The following CEP152 variants were observed in gnomAD, a reference collection of about 807,000 sequenced individuals.
CEP152 encodes the protein centrosomal protein 152, also known as centrosomal protein of 152 kDa.
A neutral mutation model predicts 188.9 loss-of-function variants in CEP152; 132 were observed. The ratio of observed to expected loss-of-function variants is 0.70; its 90% confidence interval spans 0.61 to 0.81. CEP152 has a LOEUF of 0.81. Among genes scored for constraint, CEP152 ranks in the 30% least tolerant of loss-of-function variants. The pLI is 0.00. For missense variants in CEP152, 1,914 were observed against 1,969.8 expected, an observed-to-expected ratio of 0.97 and a Z score of 0.54; for synonymous variants, 649 against 666.6, an observed-to-expected ratio of 0.97 and a Z score of 0.41.
At chr15:48,759,189 G>A (rs1306125999) in intron 19 of CEP152, among the ~76,000 whole-genome samples, 1 of 151,824 alleles carries the variant, frequency 6.6e-6, no homozygotes. Flanking sequence ...CTTTATCTTT[G>A]CTATTGGATA....
chr15:48,734,124 T>C (rs992497800), downstream of CEP152, among the ~76,000 whole-genome samples: 1 of 151,920 alleles, frequency 6.6e-6, no homozygotes, highest in Admixed American at 6.6e-5. Flanking sequence ...TAAATATACA[T>C]TTCTTCTATT....
In CEP152 at chr15:48,767,144, A is replaced by G; in HGVS notation, c.2196T>C (p.Cys732=). The part of the protein sequence containing the change: ...LNKEVTAVQE[C]YLEVCREKDN... ...CCTTCTCTCTGCACACTTCTAGGTA[A>G]CATTCCTGCACAGCAGTCACCTCCT... is the stretch of plus-strand genomic sequence containing the variant. Residue 732 remains cysteine (C), a synonymous_variant, in exon 17 of 27, where the codon TGT becomes TGC. Transcript: ENST00000380950. 6.2e-7 allele frequency: 1 copy of G among 1,613,826 alleles called. No homozygotes were observed. The highest frequency in any genetic ancestry group is 8.5e-7 in the Non-Finnish European group (1 of 1,180,018).
chr15:48,749,564 C>T (rs1177384461), intron 21 of CEP152, among the ~76,000 whole-genome samples: 1 of 151,846 alleles, frequency 6.6e-6, no homozygotes, highest in Non-Finnish European at 1.5e-5. Context: ...ATATGGACAC[C>T]ACAATTTTTA....
At chr15:48,802,140 C>T (rs1306895543) in intron 2 of CEP152, among the ~76,000 whole-genome samples, 3 of 151,158 alleles carry the variant, frequency 2.0e-5, no homozygotes, top group African/African-American at 7.3e-5. Flanking sequence ...TGTGCAATCA[C>T]AAGTATAGAG....
At chr15:48,734,392 T>C (rs1342519598), downstream of CEP152, among the ~76,000 whole-genome samples, 4 of 143,946 alleles carry the variant, frequency 2.8e-5, no homozygotes, top group South Asian at 2.2e-4. Flanking sequence ...CTTAGAAAAA[T>C]AGCTAAAAAA....
rs1490076025 is a variant in CEP152 at position 48,783,846 on chromosome 15, T to A, written c.1321+127A>T. On this transcript the variant is annotated intron_variant, in intron 10 of 26. Transcript: ENST00000380950. The stretch of plus-strand genomic sequence containing the variant: ...TATAAAAATATATATTTCTTTTTTT[T>A]AAAGAAATTTATTGCTGATTGTGTT... 12 of 645,932 alleles carry A rather than the reference T, an allele frequency of 1.9e-5. No individual in the cohort carries two copies. The East Asian group carries it at 3.1e-4, about 17-fold the overall frequency. 40.0% of individuals were successfully genotyped at this position (645,932 alleles called of 1,614,324 possible).
In CEP152 at chr15:48,738,624, A is replaced by C; in HGVS notation, c.4758T>G (p.Arg1586=). The C allele has an allele frequency of 3.1e-6, 5 of 1,614,218 alleles. No homozygotes were observed. Among genetic ancestry groups the C allele is most frequent in the Non-Finnish European group, 4.2e-6 (5 of 1,180,036 alleles). ...SSSATLSFDS[R]EASFVHGRPQ... The stretch of plus-strand genomic sequence containing the variant: ...GCCTACCATGTACAAATGATGCTTC[A>C]CGACTGTCAAAGGATAAGGTTGCAC... Residue 1586 remains arginine (R), a synonymous_variant, in exon 27 of 27, where the codon CGT becomes CGG. Transcript: ENST00000380950.
At chr15:48,784,700 A>C (rs1402706032) in intron 9 of CEP152, among the ~76,000 whole-genome samples, 1 of 152,170 alleles carries the variant, frequency 6.6e-6, no homozygotes, top group East Asian at 1.9e-4. Flanking sequence ...ATTTCTCTTA[A>C]TAGCCCCCTT....
intron 22 of CEP152, among the ~76,000 whole-genome samples, chr15:48,748,058 A>T (rs528093649): frequency 6.6e-6 from 1 of 152,174 alleles, no homozygotes; most frequent in Non-Finnish European, 1.5e-5. Flanking sequence ...TCAACGTTTA[A>T]TTATTTGTTA....
intron 22 of CEP152, 39 bp from the exon 23 acceptor site, chr15:48,745,031 A>T (rs772996832): frequency 6.2e-6 from 9 of 1,449,406 alleles, no homozygotes; most frequent in Admixed American, 2.1e-5. Flanking sequence ...ACAGTTAAAA[A>T]TTTTTTAAGC....
At chr15:48,765,131 T>C (rs952583847) in intron 17 of CEP152, among the ~76,000 whole-genome samples, 1 of 152,176 alleles carries the variant, frequency 6.6e-6, no homozygotes, top group Non-Finnish European at 1.5e-5. Context: ...AAAAAACTAA[T>C]GAATTCCCAG....
chr15:48,805,552 T>TTTA lies in CEP152; in HGVS notation c.87+10_87+11insTAA. 1.3e-6 allele frequency: 2 copies of TTTA among 1,587,462 alleles called. No homozygotes were observed. The highest frequency in any genetic ancestry group is 1.7e-5 in the Admixed American group (1 of 58,078). Reference sequence around the variant, plus strand: ...TAGTGTCTCTTTTTTTTTTTTTTTTTAACAACTTACCTCTTTCTCTCTTTC... The same window carrying TTTA: ...TAGTGTCTCTTTTTTTTTTTTTTTTTTTAAACAACTTACCTCTTTCTCTCTTTC... On this transcript the variant is annotated intron_variant, in intron 2 of 26. Transcript: ENST00000380950.
chr15:48,771,660 T>G (rs553547334), intron 13 of CEP152, among the ~76,000 whole-genome samples: 2 of 152,176 alleles, frequency 1.3e-5, no homozygotes, highest in Non-Finnish European at 2.9e-5. Flanking sequence ...AGAAAAAACA[T>G]ACAGATGCTT....
At chr15:48,741,035 T>A (rs914972355) in intron 26 of CEP152, 11 of 990,396 alleles carry the variant, frequency 1.1e-5, no homozygotes, top group Non-Finnish European at 8.4e-6. Context: ...AATAGTCATC[T>A]CCCGGTGGTT....
In CEP152 at chr15:48,803,198, ATCCCAAAGCCACAG is replaced by A. The variant is rs544939545; in HGVS notation, c.87+2351_87+2364del. Among the ~76,000 whole-genome samples the A allele has an allele frequency of 2.0e-3, 301 of 152,324 alleles. 2 individuals are homozygous for A. Among genetic ancestry groups the A allele is most frequent in the Non-Finnish European group, 3.6e-3 (244 of 68,020 alleles). ...TGCTAACAGTTATAACCTAGCCACA[ATCCCAAAGCCACAG>A]TCCCAAAGCTACCAACCAGGTAGAC... On this transcript the variant is annotated intron_variant, in intron 2 of 26. Coordinates refer to ENST00000380950, the MANE Select transcript of CEP152 (RefSeq NM_001194998.2).
chr15:48,747,805 A>T (rs1893560051), intron 22 of CEP152, among the ~76,000 whole-genome samples: 1 of 152,206 alleles, frequency 6.6e-6, no homozygotes, highest in Non-Finnish European at 1.5e-5. Context: ...TCCCTTCTTC[A>T]GAGGGGCACT....
chr15:48,772,969 C>T (rs1895664113), intron 12 of CEP152, among the ~76,000 whole-genome samples: 1 of 152,176 alleles, frequency 6.6e-6, no homozygotes, highest in African/African-American at 2.4e-5. Flanking sequence ...ACATAATTTA[C>T]ATTTGTGTTA....
At chr15:48,760,738 T>A (rs1894623656) in intron 18 of CEP152, among the ~76,000 whole-genome samples, 1 of 152,116 alleles carries the variant, frequency 6.6e-6, no homozygotes, top group African/African-American at 2.4e-5. Context: ...GAGAATGAGT[T>A]TATACTAAAG....
intron 8 of CEP152, chr15:48,789,393 T>G (rs745935397): frequency 7.7e-6 from 2 of 260,690 alleles, no homozygotes; most frequent in Non-Finnish European, 1.5e-5. Context: ...ATGACAACTG[T>G]TCCTTGAAAG....
Sources: gnomAD v4.1 joint callset for allele counts (sites outside exome capture counted in the v4.1 genomes callset) on GRCh38, gnomAD v4.1.1 for gene constraint, MANE v1.5 for transcripts, NCBI Gene and HGNC (gene_info 2026-07-23, HGNC 2026-07-21) for gene names.